Variants in JAKMIP1 observed in about 807,000 individuals in gnomAD.
The protein encoded by JAKMIP1 is janus kinase and microtubule interacting protein 1, also known as janus kinase and microtubule-interacting protein 1.
JAKMIP1 carries 33 observed loss-of-function variants against 113.0 expected under a neutral mutation model. That is an observed-to-expected ratio of 0.29 (90% confidence interval 0.22 to 0.39). The LOEUF (loss-of-function observed/expected upper bound fraction) is 0.39, where lower values mean the gene tolerates loss of function less well. Ranked by LOEUF, JAKMIP1 falls within the 10% of genes least tolerant of loss-of-function variation. JAKMIP1 has a pLI of 1.00. For synonymous variants in JAKMIP1, 480 were observed against 459.9 expected (o/e 1.04, Z -0.56); for missense variants, 813 against 1,080.5 (o/e 0.75, Z 3.47).
rs1714025287 is a variant in JAKMIP1, at chr4:6,106,709, T to TATAAA, written c.130-743_130-742insTTTAT. On this transcript the variant is annotated intron_variant, in intron 2 of 20. Transcript: ENST00000409021. This position sits in a 1 kb window ranked among gnomAD's most constrained non-coding sequence, Gnocchi z 5.9. ...TTTATCAGCAAACAATTCAAAACAT[T>TATAAA]ACTTATAAAACGTCCCAAGGGAGTG... Among the ~76,000 whole-genome samples, 1 of 152,126 alleles carries TATAAA rather than the reference T, an allele frequency of 6.6e-6. No individual in the cohort carries two copies. Among genetic ancestry groups the TATAAA allele is most frequent in the African/African-American group, 2.4e-5 (1 of 41,420 alleles).
In JAKMIP1 at chr4:6,194,533, A is replaced by C. The variant is rs948299667; in HGVS notation, c.-148+5720T>G. On this transcript the variant is annotated intron_variant, in intron 1 of 20. Transcript: ENST00000409021. The surrounding 1 kb of genome is among the most constrained non-coding windows in gnomAD (Gnocchi z 7.4). ...CCACTGTCAACTCCTCAGAGTCCTC[A>C]TGGAAGGAAACCCTGTAGTGATGTG... 6.6e-6 allele frequency: 1 copy of C among 152,156 alleles called. No homozygotes were observed. Among genetic ancestry groups the C allele is most frequent in the Non-Finnish European group, 1.5e-5 (1 of 68,088 alleles). The allele number at this position is 152,156 out of a possible 1,614,324, so 9.4% of individuals were successfully genotyped here.
In JAKMIP1 at chr4:6,154,682, C is replaced by G. The variant is rs539503139; in HGVS notation, c.-147-41685G>C. Among the ~76,000 whole-genome samples the G allele has an allele frequency of 6.6e-6, 1 of 152,044 alleles. No homozygotes were observed. The highest frequency in any genetic ancestry group is 1.5e-5 in the Non-Finnish European group (1 of 68,022). On this transcript the variant is annotated intron_variant, in intron 1 of 20. Transcript: ENST00000409021. This position sits in a 1 kb window ranked among gnomAD's most constrained non-coding sequence, Gnocchi z 4.2. ...CAGCCCTGGCAAATGGAATTCTTTT[C>G]AATCCGGCCCGCTGAACCCCTCTTT...
intron 1 of JAKMIP1, among the ~76,000 whole-genome samples, chr4:6,170,872 AATCACCTCC>A (rs1259583463): frequency 1.7e-5 from 2 of 114,770 alleles, no homozygotes; most frequent in African/African-American, 6.8e-5. Context: ...CCACCATCAC[AATCACCTCC>A]ATCACCTCCA....
chr4:6,061,958 G>A lies in JAKMIP1; in HGVS notation c.1560+354C>T, dbSNP rs1032088911. 2.6e-5 allele frequency among the ~76,000 whole-genome samples: 4 copies of A among 152,190 alleles called. No homozygotes were observed. The highest frequency in any genetic ancestry group is 6.5e-5 in the Admixed American group (1 of 15,284). On this transcript the variant is annotated intron_variant, in intron 10 of 20. Transcript: ENST00000409021. This position sits in a 1 kb window ranked among gnomAD's most constrained non-coding sequence, Gnocchi z 5.3. ...TGTTCTGGTGGATGTCCTGGAGGGCGGGGGGCTGGCAGCCCTGGAGGGAGC... is the reference window on the plus strand; with the variant it reads ...TGTTCTGGTGGATGTCCTGGAGGGCAGGGGGCTGGCAGCCCTGGAGGGAGC...
chr4:6,029,266 C>T (rs892109788), intron 20 of JAKMIP1, among the ~76,000 whole-genome samples: 4 of 152,210 alleles, frequency 2.6e-5, no homozygotes, highest in Non-Finnish European at 2.9e-5. Flanking sequence ...GCCAGCCTCA[C>T]GTCTTCTGGG....
At chr4:6,127,715 C>G (rs1235511032) in intron 1 of JAKMIP1, among the ~76,000 whole-genome samples, 1 of 152,236 alleles carries the variant, frequency 6.6e-6, no homozygotes, top group East Asian at 1.9e-4. Context: ...TCCTTGATCC[C>G]CTTTCCCTGA....
chr4:6,162,991 C>T lies in JAKMIP1; in HGVS notation c.-148+37262G>A, dbSNP rs1000925150. Among the ~76,000 whole-genome samples, 1 of 152,236 alleles carries T rather than the reference C, an allele frequency of 6.6e-6. No individual in the cohort carries two copies. The highest frequency in any genetic ancestry group is 1.9e-4 in the East Asian group (1 of 5,200). Reference sequence around the variant, plus strand: ...GGGAAGATGCTGGGAACATCTGGTTCTGTTGTCTGCTAATCAAATCCAGCT... The same window carrying T: ...GGGAAGATGCTGGGAACATCTGGTTTTGTTGTCTGCTAATCAAATCCAGCT... On this transcript the variant is annotated intron_variant, in intron 1 of 20. Coordinates refer to ENST00000409021, the MANE Select transcript of JAKMIP1 (RefSeq NM_001099433.2). The surrounding 1 kb of genome is among the most constrained non-coding windows in gnomAD (Gnocchi z 5.6).
At chr4:6,091,983 C>A (rs1722119493) in intron 3 of JAKMIP1, among the ~76,000 whole-genome samples, 1 of 152,194 alleles carries the variant, frequency 6.6e-6, no homozygotes, top group Admixed American at 6.5e-5. Context: ...CTCACTACCT[C>A]TCCAGGAGGT....
At chr4:6,053,167 C>T (rs1377202751) in intron 13 of JAKMIP1, among the ~76,000 whole-genome samples, 1 of 151,402 alleles carries the variant, frequency 6.6e-6, no homozygotes, top group African/African-American at 2.4e-5. Flanking sequence ...TCAACAGAAA[C>T]AAAAAAAAGG....
rs1717106688 is a variant in JAKMIP1 at position 6,060,469 on chromosome 4, C to T, written c.1599G>A (p.Gln533=). 6.2e-7 allele frequency: 1 copy of T among 1,614,172 alleles called. No individual in the cohort carries two copies. Among genetic ancestry groups the T allele is most frequent in the Non-Finnish European group, 8.5e-7 (1 of 1,180,020 alleles). ...EQLQADLLRC[Q]AKIEDLEKLL... ...ACTTCTCCAAATCTTCGATTTTGGC[C>T]TGACACCTCAGCAGATCAGCTTGTA... The change falls in exon 11 of 21, where the codon CAG becomes CAA. Residue 533 remains glutamine (Q), a synonymous_variant. Coordinates refer to ENST00000409021, the MANE Select transcript of JAKMIP1 (RefSeq NM_001099433.2).
chr4:6,152,247 GTGAAATTTCTTCCACT>G (rs931847863), intron 1 of JAKMIP1, among the ~76,000 whole-genome samples: 7 of 152,180 alleles, frequency 4.6e-5, no homozygotes, highest in African/African-American at 1.7e-4. Flanking sequence ...GAGTAAAAAG[GTGAAATTTCTTCCACT>G]TGAGGCCATG....
chr4:6,040,210 T>C lies in JAKMIP1; in HGVS notation c.2175+429A>G, dbSNP rs920915761. 6.6e-6 allele frequency among the ~76,000 whole-genome samples: 1 copy of C among 152,218 alleles called. No homozygotes were observed. The highest frequency in any genetic ancestry group is 2.4e-5 in the African/African-American group (1 of 41,462). The stretch of plus-strand genomic sequence containing the variant: ...AAATGCAGTATTACATCCGACCTTA[T>C]ACCTCGTCCCTTCGGTTCTGAAAAT... On this transcript the variant is annotated intron_variant, in intron 18 of 20. Transcript: ENST00000409021. This position sits in a 1 kb window ranked among gnomAD's most constrained non-coding sequence, Gnocchi z 5.8.
In JAKMIP1 at chr4:6,139,427, A is replaced by G. The variant is rs1719769036; in HGVS notation, c.-147-26430T>C. ...TTACTGAGGTCATCTAATTGAGATG[A>G]AGTCAGGAGGGTGGGCCTTAACCAA... On this transcript the variant is annotated intron_variant, in intron 1 of 20. Transcript: ENST00000409021. This position sits in a 1 kb window ranked among gnomAD's most constrained non-coding sequence, Gnocchi z 5.2. Among the ~76,000 whole-genome samples, 1 of 152,148 alleles carries G rather than the reference A, an allele frequency of 6.6e-6. No individual in the cohort carries two copies. Among genetic ancestry groups the G allele is most frequent in the Non-Finnish European group, 1.5e-5 (1 of 68,042 alleles).
At position 6,162,582 on chromosome 4, in the gene JAKMIP1, T is replaced by C. The variant is rs1723101533; in HGVS notation, c.-148+37671A>G. Among the ~76,000 whole-genome samples the C allele has an allele frequency of 6.6e-6, 1 of 152,224 alleles. No homozygotes were observed. Among genetic ancestry groups the C allele is most frequent in the Non-Finnish European group, 1.5e-5 (1 of 68,032 alleles). On this transcript the variant is annotated intron_variant, in intron 1 of 20. Transcript: ENST00000409021. This position sits in a 1 kb window ranked among gnomAD's most constrained non-coding sequence, Gnocchi z 5.6. ...GGTTAACTTGCACAAGGCAGTCATG[T>C]CAACAGGGCAAAGGCACCATCTCGT...
In JAKMIP1 at chr4:6,049,032, T is replaced by G. The variant is rs60586285; in HGVS notation, c.1963-110A>C. On this transcript the variant is annotated intron_variant, in intron 15 of 20. Transcript: ENST00000409021. This position sits in a 1 kb window ranked among gnomAD's most constrained non-coding sequence, Gnocchi z 7.0. ...TTCGTTGTTGTTGTTTGTTTTATTA[T>G]GTTTGTTTGTTTTGAGACGGAGTCT... 0.21 allele frequency: 165,499 copies of G among 800,366 alleles called. 21,954 individuals carry two copies. The highest frequency in any genetic ancestry group is 0.6 in the East Asian group (23,184 of 38,964). 49.6% of individuals were successfully genotyped at this position (800,366 alleles called of 1,614,324 possible).
At position 6,090,779 on chromosome 4, in the gene JAKMIP1, C is replaced by A. The variant is rs182748707; in HGVS notation, c.625-5150G>T. On this transcript the variant is annotated intron_variant, in intron 3 of 20. Transcript: ENST00000409021. Reference sequence around the variant, plus strand: ...ATCGCTGCCCCAGGTTGACCATAACCACCTTAAACTAGAGTGTCACTCCCC... The same window carrying A: ...ATCGCTGCCCCAGGTTGACCATAACAACCTTAAACTAGAGTGTCACTCCCC... 2.6e-5 allele frequency among the ~76,000 whole-genome samples: 4 copies of A among 151,902 alleles called. No individual in the cohort carries two copies. The East Asian group carries it at 7.7e-4, about 29-fold the overall frequency.
At chr4:6,105,419 C>T (rs1713738789) in intron 3 of JAKMIP1, 54 bp downstream of exon 3, 9 of 1,486,192 alleles carry the variant, frequency 6.1e-6, no homozygotes, top group African/African-American at 2.8e-5. Context: ...TTCCCCCATG[C>T]GTGCAGGGAG....
intron 1 of JAKMIP1, among the ~76,000 whole-genome samples, chr4:6,120,577 G>A (rs1716567890): frequency 6.6e-6 from 1 of 152,202 alleles, no homozygotes; most frequent in South Asian, 2.1e-4. Context: ...AGCCCTGCCG[G>A]GCAGCACCTG....
At chr4:6,124,902 C>T (rs1344478045) in intron 1 of JAKMIP1, among the ~76,000 whole-genome samples, 1 of 152,198 alleles carries the variant, frequency 6.6e-6, no homozygotes, top group Non-Finnish European at 1.5e-5. Flanking sequence ...ATCGGGTGAC[C>T]ATCTATCTCC....
Sources: gnomAD v4.1 joint callset for allele counts (sites outside exome capture counted in the v4.1 genomes callset) on GRCh38, gnomAD v4.1.1 for gene constraint, Gnocchi (gnomAD v3.1) non-coding constraint, MANE v1.5 for transcripts, NCBI Gene and HGNC (gene_info 2026-07-23, HGNC 2026-07-21) for gene names.